The following ITPRID1 variants were observed in gnomAD, a reference collection of about 807,000 sequenced individuals.
ITPRID1 encodes ITPR interacting domain containing 1.
ITPRID1 carries 96 observed loss-of-function variants against 95.4 expected under a neutral mutation model. That is an observed-to-expected ratio of 1.01 (90% CI 0.85 to 1.19). The LOEUF (loss-of-function observed/expected upper bound fraction) is 1.19. Among genes scored for constraint, ITPRID1 ranks in the 50% most tolerant of loss-of-function variants. The pLI is 0.00. For synonymous variants in ITPRID1, 510 were observed against 453.6 expected (o/e 1.12, Z -1.58); for missense variants, 1,339 against 1,252.9 (o/e 1.07, Z -1.04).
Position 31,642,853 on chromosome 7 carries a change from C to A in ITPRID1, c.1483C>A (p.Gln495Lys), listed in dbSNP as rs779745222. 1 of 1,614,000 alleles carries A rather than the reference C, an allele frequency of 6.2e-7. No homozygotes were observed. Among genetic ancestry groups the A allele is most frequent in the Non-Finnish European group, 8.5e-7 (1 of 1,179,896 alleles). Residue 495 changes from glutamine (Q) to lysine (K), a missense_variant, in exon 12 of 15, where the codon CAA becomes AAA. By Grantham distance (53) the Gln-to-Lys change is moderately conservative (BLOSUM62 1). Transcript: ENST00000615280. ...AAGCCAAGAAGCGAATGCCTTGGAA[C>A]AAAGGGCCTCAGTATCTGTGATGGA... is the stretch of plus-strand genomic sequence containing the variant. The part of the protein sequence containing the change: ...FSSQEANALE[Q>K]RASVSVMEEE...
intron 8 of ITPRID1, among the ~76,000 whole-genome samples, chr7:31,577,480 T>C (rs1445969355): frequency 6.6e-6 from 1 of 152,230 alleles, no homozygotes; most frequent in Non-Finnish European, 1.5e-5. Context: ...CATAGAGTTA[T>C]GGAGGAATAT....
intron 12 of ITPRID1, among the ~76,000 whole-genome samples, chr7:31,647,984 G>A (rs1790636556): frequency 6.6e-6 from 1 of 151,986 alleles, no homozygotes; most frequent in Non-Finnish European, 1.5e-5. Flanking sequence ...AAAATGGTTT[G>A]TTGGTATAAC....
At chr7:31,549,713 C>G (rs1336718368) in intron 2 of ITPRID1, among the ~76,000 whole-genome samples, 1 of 152,110 alleles carries the variant, frequency 6.6e-6, no homozygotes, top group African/African-American at 2.4e-5. Flanking sequence ...AGAAAGCTGA[C>G]AAAGCCAACT....
chr7:31,515,170 T>TA (rs1265841578), intron 1 of ITPRID1, among the ~76,000 whole-genome samples: 1 of 151,976 alleles, frequency 6.6e-6, no homozygotes, highest in African/African-American at 2.4e-5. Context: ...TTTTGCTTTT[T>TA]AAAAAAATTG....
intron 10 of ITPRID1, among the ~76,000 whole-genome samples, chr7:31,602,040 G>GT (rs78634379): frequency 8.0e-5 from 12 of 150,020 alleles, no homozygotes; most frequent in Admixed American, 2.0e-4. Context: ...ATGATAAGGG[G>GT]TTTTTTTTTT....
At chr7:31,632,885 CATTCATTTATTTATTT>C (rs1249497144) in intron 10 of ITPRID1, among the ~76,000 whole-genome samples, 2 of 150,944 alleles carry the variant, frequency 1.3e-5, no homozygotes, top group Non-Finnish European at 3.0e-5. Flanking sequence ...TTTATTTATT[CATTCATTTATTTATTT>C]ATTTGAGACA....
At chr7:31,656,998 A>C (rs1435475493), downstream of ITPRID1, among the ~76,000 whole-genome samples, 2 of 150,610 alleles carry the variant, frequency 1.3e-5, no homozygotes, top group African/African-American at 4.9e-5. Context: ...AGACTGAATT[A>C]TACCACTGGC....
At position 31,643,325 on chromosome 7, in the gene ITPRID1, A is replaced by T. The variant is rs752951408; in HGVS notation, c.1955A>T (p.Tyr652Phe). ...CCCAAGCACAGTGAAATCACACCTT[A>T]TGCAACTGACCTTGCTCAAACATCT... Reference protein sequence around the residue: ...CIPKHSEITPYATDLAQTSEK... With the variant: ...CIPKHSEITPFATDLAQTSEK... The change falls in exon 12 of 15, where the codon TAT (tyrosine) becomes TTT (phenylalanine). Residue 652 changes from tyrosine to phenylalanine, a missense_variant. Physicochemically the swap from Tyr to Phe is conservative, Grantham distance 22. Transcript: ENST00000615280. The T allele has an allele frequency of 7.1e-5, 114 of 1,613,852 alleles. 1 individual carries two copies. In the Admixed American group the frequency reaches 1.9e-3, roughly 26 times the overall value.
chr7:31,588,202 C>CAAAAGAGTCACCA (rs1443660849), intron 10 of ITPRID1, among the ~76,000 whole-genome samples: 2 of 151,962 alleles, frequency 1.3e-5, no homozygotes, highest in Non-Finnish European at 2.9e-5. Flanking sequence ...GAAGAGTGAC[C>CAAAAGAGTCACCA]AAAAGTGAAC....
intron 12 of ITPRID1, 88 bp downstream of exon 12, chr7:31,644,041 C>T (rs1790256934): frequency 4.6e-6 from 6 of 1,297,104 alleles, no homozygotes; most frequent in African/African-American, 1.5e-5. Context: ...TTGCTGAATG[C>T]AAGATCTCAG....
intron 1 of ITPRID1, among the ~76,000 whole-genome samples, chr7:31,539,033 T>C (rs1267894624): frequency 6.6e-6 from 1 of 152,222 alleles, no homozygotes; most frequent in African/African-American, 2.4e-5. Context: ...CTTTGTCACA[T>C]TGAGTAATAT....
Position 31,624,402 on chromosome 7 carries a change from T to A in ITPRID1, c.1229-17774T>A, listed in dbSNP as rs970027380. ...CAAGGCTACAGTAACCAAAACAGCA[T>A]GGTACTGGTACCAAAACAGAGATAT... On this transcript the variant is annotated intron_variant, in intron 10 of 14. Coordinates refer to ENST00000615280, the MANE Select transcript of ITPRID1 (RefSeq NM_001257967.3). Among the ~76,000 whole-genome samples, 18 of 141,900 alleles carry A rather than the reference T, an allele frequency of 1.3e-4. No homozygotes were observed. In the East Asian group the frequency reaches 3.7e-3, roughly 29 times the overall value. 93.1% of individuals were successfully genotyped at this position (141,900 alleles called of 152,430 possible). A position where few individuals can be genotyped will look rare whatever the true frequency, so the allele number is the denominator to read the frequency against.
At chr7:31,604,459 C>G (rs1223077162) in intron 10 of ITPRID1, among the ~76,000 whole-genome samples, 1 of 152,154 alleles carries the variant, frequency 6.6e-6, no homozygotes, top group Non-Finnish European at 1.5e-5. Context: ...AGATACCATC[C>G]TAATGTAAAA....
At chr7:31,574,973 G>A (rs544212077) in intron 8 of ITPRID1, among the ~76,000 whole-genome samples, 3 of 152,160 alleles carry the variant, frequency 2.0e-5, no homozygotes, top group Admixed American at 6.5e-5. Flanking sequence ...TCAGGAACAC[G>A]GCCTCTAATC....
At chr7:31,593,931 T>G (rs1047328461) in intron 10 of ITPRID1, among the ~76,000 whole-genome samples, 2 of 152,158 alleles carry the variant, frequency 1.3e-5, no homozygotes, top group Admixed American at 6.5e-5. Context: ...ATAGAGTTGT[T>G]AAGTGAGAAA....
At chr7:31,569,653 T>A in intron 5 of ITPRID1, 105 bp from the exon 6 acceptor site, 2 of 933,712 alleles carry the variant, frequency 2.1e-6, no homozygotes, top group South Asian at 3.2e-5. Flanking sequence ...CTATATAACC[T>A]TGGATATGGA....
intron 5 of ITPRID1, among the ~76,000 whole-genome samples, chr7:31,564,705 C>T (rs1784737808): frequency 6.6e-6 from 1 of 152,134 alleles, no homozygotes; most frequent in South Asian, 2.1e-4. Flanking sequence ...GAGCTTCCTG[C>T]TCTGATCTGA....
intron 10 of ITPRID1, among the ~76,000 whole-genome samples, chr7:31,587,465 A>G (rs556896787): frequency 6.7e-6 from 1 of 149,566 alleles, no homozygotes; most frequent in East Asian, 2.0e-4. Flanking sequence ...GAGAACTACA[A>G]ACCACTGCTC....
intron 1 of ITPRID1, among the ~76,000 whole-genome samples, chr7:31,537,187 C>T (rs1783790055): frequency 6.7e-6 from 1 of 150,330 alleles, no homozygotes; most frequent in Non-Finnish European, 1.5e-5. Flanking sequence ...CTTTACTGTC[C>T]TACTTTGCTC....
Sources: allele counts gnomAD v4.1 joint callset (sites outside exome capture counted in the v4.1 genomes callset), GRCh38; gene constraint gnomAD v4.1.1; transcripts MANE v1.5; gene names NCBI Gene and HGNC (gene_info 2026-07-23, HGNC 2026-07-21).